The following ASTN2 variants were observed in gnomAD, a reference collection of about 807,000 sequenced individuals.
ASTN2 encodes astrotactin-2.
In ASTN2, 54 loss-of-function variants were observed where a neutral mutation model predicts 139.8. The observed-to-expected ratio is 0.39, with a 90% CI of 0.31 to 0.48. ASTN2 has a LOEUF of 0.48. Among genes scored for constraint, ASTN2 ranks in the 20% least tolerant of loss-of-function variants. ASTN2 has a pLI of 0.95. For synonymous variants in ASTN2, 756 were observed against 719.5 expected (o/e 1.05, Z -0.81); for missense variants, 1,565 against 1,725.1 (o/e 0.91, Z 1.64).
chr9:116,546,999 C>A (rs984774130), intron 19 of ASTN2, among the ~76,000 whole-genome samples: 1 of 152,152 alleles, frequency 6.6e-6, no homozygotes, highest in Non-Finnish European at 1.5e-5. Context: ...AATATTATTT[C>A]ATTTATGTTT....
chr9:116,663,459 T>A (rs577921645), intron 16 of ASTN2, among the ~76,000 whole-genome samples: 1 of 152,292 alleles, frequency 6.6e-6, no homozygotes, highest in East Asian at 1.9e-4. Context: ...AGTCTTGCTT[T>A]CACATTTCTA....
chr9:116,833,293 C>T (rs1831874181), intron 11 of ASTN2, among the ~76,000 whole-genome samples: 1 of 152,098 alleles, frequency 6.6e-6, no homozygotes, highest in Non-Finnish European at 1.5e-5. Context: ...TCTCTCCTCT[C>T]TTCCTTTTCA....
intron 1 of ASTN2, among the ~76,000 whole-genome samples, chr9:117,373,666 T>C (rs907584473): frequency 2.0e-5 from 3 of 152,134 alleles, no homozygotes; most frequent in Non-Finnish European, 2.9e-5. Context: ...GCCTTCATAA[T>C]GAGGGAGAAA....
chr9:117,015,558 C>G (rs978269314), intron 6 of ASTN2, among the ~76,000 whole-genome samples: 2 of 152,124 alleles, frequency 1.3e-5, no homozygotes, highest in African/African-American at 2.4e-5. Context: ...CTATTTTCAT[C>G]CACTCCCCAG....
At chr9:116,449,010 T>C (rs1848092093) in intron 20 of ASTN2, among the ~76,000 whole-genome samples, 1 of 152,204 alleles carries the variant, frequency 6.6e-6, no homozygotes, top group East Asian at 1.9e-4. Flanking sequence ...GAATAGACAC[T>C]GGAGCCCTGC....
At chr9:117,177,514 C>A (rs985610589) in intron 3 of ASTN2, among the ~76,000 whole-genome samples, 1 of 152,146 alleles carries the variant, frequency 6.6e-6, no homozygotes, top group Non-Finnish European at 1.5e-5. Flanking sequence ...GTGACCAAAG[C>A]TATAGATTCC....
At chr9:117,184,200 T>C (rs1381272636) in intron 3 of ASTN2, among the ~76,000 whole-genome samples, 1 of 152,166 alleles carries the variant, frequency 6.6e-6, no homozygotes, top group African/African-American at 2.4e-5. Flanking sequence ...CTCTCATTTC[T>C]ACCTGACTGC....
At position 116,440,940 on chromosome 9, in the gene ASTN2, A is replaced by G. The variant is rs548880216; in HGVS notation, c.3599-148T>C. On this transcript the variant is annotated intron_variant, in intron 21 of 22. Transcript: ENST00000313400. ...GACAAACCTTAATTTCATCTTGAAT[A>G]TGTTATTGACTGGTTGTGTTTGGTT... 5.0e-5 allele frequency: 38 copies of G among 759,496 alleles called. 1 individual carries two copies. In the East Asian group the frequency reaches 9.0e-4, roughly 18 times the overall value. 47.0% of individuals were successfully genotyped at this position (759,496 alleles called of 1,614,324 possible).
In ASTN2 at chr9:116,659,969, A is replaced by G. The variant is rs560053781; in HGVS notation, c.2807-8176T>C. Among the ~76,000 whole-genome samples, 148 of 152,256 alleles carry G rather than the reference A, an allele frequency of 9.7e-4. 1 individual carries two copies. The Middle Eastern group carries it at 0.024, about 24-fold the overall frequency. On this transcript the variant is annotated intron_variant, in intron 16 of 22. Coordinates refer to ENST00000313400, the MANE Select transcript of ASTN2 (RefSeq NM_001365068.1). The stretch of plus-strand genomic sequence containing the variant: ...AGCCCAGAGTTATGTACTTTATGCT[A>G]TTAGATGTCTTATCTACAGTACTCA...
At chr9:116,622,582 G>T (rs185774740) in intron 17 of ASTN2, among the ~76,000 whole-genome samples, 93 of 152,288 alleles carry the variant, frequency 6.1e-4, no homozygotes, top group African/African-American at 2.1e-3. Context: ...CACACAGCAA[G>T]TAAATGGTGG....
At chr9:116,794,873 C>A (rs187279191) in intron 13 of ASTN2, among the ~76,000 whole-genome samples, 1 of 152,216 alleles carries the variant, frequency 6.6e-6, no homozygotes, top group Non-Finnish European at 1.5e-5. Flanking sequence ...TGCAGTCCAG[C>A]AAGGCTTGCT....
chr9:117,378,280 C>A (rs564711085), intron 1 of ASTN2, among the ~76,000 whole-genome samples: 3 of 152,232 alleles, frequency 2.0e-5, no homozygotes, highest in Non-Finnish European at 4.4e-5. Context: ...GGTACCTAGT[C>A]CAGAGTGTTT....
chr9:116,443,388 G>C (rs918706019), intron 20 of ASTN2, among the ~76,000 whole-genome samples: 3 of 152,200 alleles, frequency 2.0e-5, no homozygotes, highest in African/African-American at 7.2e-5. Context: ...GGCCATGCCA[G>C]GGAGACTGGG....
chr9:116,975,958 C>A (rs183113613), intron 9 of ASTN2, among the ~76,000 whole-genome samples, 156 bp downstream of exon 9: 1 of 152,192 alleles, frequency 6.6e-6, no homozygotes, highest in African/African-American at 2.4e-5. Flanking sequence ...TAGCAACCTG[C>A]GCCATGATGG....
chr9:116,950,410 A>G (rs1323790792), intron 10 of ASTN2, among the ~76,000 whole-genome samples: 1 of 152,242 alleles, frequency 6.6e-6, no homozygotes, highest in Non-Finnish European at 1.5e-5. Flanking sequence ...TAGTCAGTTA[A>G]TAAATTTGCT....
chr9:116,889,532 AT>A (rs150342053), intron 10 of ASTN2, among the ~76,000 whole-genome samples: 3,574 of 147,834 alleles, frequency 0.024, 136 homozygotes, highest in African/African-American at 0.083. Context: ...GATGATTCTC[AT>A]TTTTTTTTTG....
chr9:116,872,911 A>G (rs936427501), intron 10 of ASTN2, among the ~76,000 whole-genome samples: 1 of 152,178 alleles, frequency 6.6e-6, no homozygotes, highest in African/African-American at 2.4e-5. Context: ...GCCAGGAGCC[A>G]GGCTAGAGAA....
intron 13 of ASTN2, among the ~76,000 whole-genome samples, chr9:116,750,728 A>C (rs971974769): frequency 6.6e-6 from 1 of 152,186 alleles, no homozygotes; most frequent in African/African-American, 2.4e-5. Flanking sequence ...CAGTCCTGTC[A>C]TAAGTTGGAG....
chr9:116,689,179 T>G (rs1003062450), intron 16 of ASTN2, among the ~76,000 whole-genome samples: 2 of 152,086 alleles, frequency 1.3e-5, no homozygotes, highest in Non-Finnish European at 2.9e-5. Context: ...TGACCTAGAG[T>G]CAGATACCCT....
Sources: gnomAD v4.1 joint callset for allele counts (sites outside exome capture counted in the v4.1 genomes callset) on GRCh38, gnomAD v4.1.1 for gene constraint, MANE v1.5 for transcripts, NCBI Gene and HGNC (gene_info 2026-07-23, HGNC 2026-07-21) for gene names.